Variants in SPATA9 observed in about 807,000 individuals in gnomAD.
The protein encoded by SPATA9 is spermatogenesis-associated protein 9.
A neutral mutation model predicts 25.5 loss-of-function variants in SPATA9; 27 were observed. That is an observed-to-expected ratio of 1.06 (90% CI 0.78 to 1.46). SPATA9 has a LOEUF of 1.46. Ranked by LOEUF, SPATA9 falls within the 40% of genes most tolerant of loss-of-function variation. The pLI is 0.00. For synonymous variants in SPATA9, 102 were observed against 105.7 expected, an observed-to-expected ratio of 0.97 and a Z score of 0.21; for missense variants, 282 against 297.5, an observed-to-expected ratio of 0.95 and a Z score of 0.38.
In SPATA9 at chr5:95,675,408, T is replaced by G. The variant is rs1752831731; in HGVS notation, c.378+4A>C. 3 of 1,609,672 alleles carry G rather than the reference T, an allele frequency of 1.9e-6. No individual in the cohort carries two copies. The African/African-American group carries it at 4.0e-5, about 21-fold the overall frequency. The stretch of plus-strand genomic sequence containing the variant: ...GGAATTGTGCATATGCAGTATTCCC[T>G]TACCTGAATGTTATATAGGGGTTGC... On this transcript the variant is annotated splice_donor_region_variant and intron_variant, in intron 3 of 4. Transcript: ENST00000274432.
chr5:95,731,624 G>T, the SPATA9 span: 1 of 1,608,098 alleles, frequency 6.2e-7, no homozygotes, highest in Non-Finnish European at 8.5e-7. Flanking sequence ...CGGGGGCCCC[G>T]CGAAGCCGTG....
At chr5:95,706,443 C>A in the SPATA9 span, among the ~76,000 whole-genome samples, 1 of 151,840 alleles carries the variant, frequency 6.6e-6, no homozygotes, top group Non-Finnish European at 1.5e-5. Context: ...TGCCTGCTTC[C>A]TTTTCACCTT....
intron 1 of SPATA9, among the ~76,000 whole-genome samples, chr5:95,695,250 T>G (rs953643566): frequency 2.6e-5 from 4 of 152,220 alleles, no homozygotes; most frequent in African/African-American, 9.6e-5. Flanking sequence ...AGCTTTACCA[T>G]GTCAAGTCAA....
chr5:95,729,675 C>G, the SPATA9 span, among the ~76,000 whole-genome samples: 3 of 152,270 alleles, frequency 2.0e-5, no homozygotes, highest in East Asian at 5.8e-4. Flanking sequence ...ACAACGCCCC[C>G]TTTTCCCCTC....
Position 95,658,600 on chromosome 5 carries a change from G to A in SPATA9, c.*23C>T. On this transcript the variant is annotated 3_prime_UTR_variant, in exon 5 of 5. Transcript: ENST00000274432. Reference sequence around the variant, plus strand: ...GTGCCATTAAATAGATAACTCTTAAGTTCTGTTCAGTGATACCTGTATTCA... The same window carrying A: ...GTGCCATTAAATAGATAACTCTTAAATTCTGTTCAGTGATACCTGTATTCA... 6.3e-7 allele frequency: 1 copy of A among 1,595,892 alleles called. No homozygotes were observed. Among genetic ancestry groups the A allele is most frequent in the African/African-American group, 1.4e-5 (1 of 73,996 alleles).
upstream of SPATA9, among the ~76,000 whole-genome samples, chr5:95,700,780 C>T (rs1754164603): frequency 2.6e-5 from 4 of 152,182 alleles, no homozygotes; most frequent in Admixed American, 2.6e-4. Context: ...AGGAACTTGA[C>T]ATTGCTATAA....
At chr5:95,731,373 G>A in the SPATA9 span, 2 of 1,153,024 alleles carry the variant, frequency 1.7e-6, no homozygotes, top group African/African-American at 3.2e-5. Flanking sequence ...GAGGCGCGGC[G>A]GAGAGGGGAC....
chr5:95,695,123 T>C (rs1026670912), intron 1 of SPATA9, among the ~76,000 whole-genome samples: 1 of 152,232 alleles, frequency 6.6e-6, no homozygotes, highest in Non-Finnish European at 1.5e-5. Context: ...TATATTTCAA[T>C]ATGAATTTCT....
the SPATA9 span, among the ~76,000 whole-genome samples, chr5:95,711,951 C>T: frequency 6.6e-6 from 1 of 152,190 alleles, no homozygotes; most frequent in African/African-American, 2.4e-5. Flanking sequence ...AAACTTGGGC[C>T]ATTCTACTTT....
the SPATA9 span, chr5:95,731,886 C>T: frequency 3.1e-6 from 5 of 1,613,324 alleles, no homozygotes; most frequent in South Asian, 3.3e-5. Context: ...CGCTGGGGAA[C>T]GAGGGGGACA....
chr5:95,708,560 T>A, the SPATA9 span: 1 of 695,916 alleles, frequency 1.4e-6, no homozygotes, highest in East Asian at 2.7e-5. Context: ...AACTGATAAG[T>A]ATCTCGACAG....
intron 3 of SPATA9, among the ~76,000 whole-genome samples, chr5:95,672,700 T>C (rs911938324): frequency 6.6e-6 from 1 of 152,198 alleles, no homozygotes; most frequent in African/African-American, 2.4e-5. Flanking sequence ...TTTTCTTAGG[T>C]TCCTGGAATA....
In SPATA9 at chr5:95,679,262, G is replaced by A. The variant is rs368734459; in HGVS notation, c.150+3266C>T. Among the ~76,000 whole-genome samples the A allele has an allele frequency of 5.3e-5, 8 of 152,190 alleles. No individual in the cohort carries two copies. The East Asian group carries it at 1.5e-3, about 29-fold the overall frequency. Reference sequence around the variant, plus strand: ...TCTCTGGCTTCCTAGGATTCACCCTGAGCCTTCTAAACAATTACTACTGTG... The same window carrying A: ...TCTCTGGCTTCCTAGGATTCACCCTAAGCCTTCTAAACAATTACTACTGTG... On this transcript the variant is annotated intron_variant, in intron 2 of 4. Transcript: ENST00000274432.
chr5:95,727,446 T>C, the SPATA9 span, among the ~76,000 whole-genome samples: 2 of 152,248 alleles, frequency 1.3e-5, no homozygotes, highest in African/African-American at 4.8e-5. Context: ...TGAATTACTT[T>C]ACATGTCCTT....
At chr5:95,686,516 C>T (rs1487542906), upstream of SPATA9, among the ~76,000 whole-genome samples, 1 of 151,970 alleles carries the variant, frequency 6.6e-6, no homozygotes, top group Non-Finnish European at 1.5e-5. Flanking sequence ...AAGTTTATGA[C>T]ATGAATTGAA....
chr5:95,704,056 T>TAC, the SPATA9 span, among the ~76,000 whole-genome samples: 4 of 150,600 alleles, frequency 2.7e-5, no homozygotes, highest in African/African-American at 1.0e-4. Flanking sequence ...ACAGTGCATA[T>TAC]ACACACATAC....
At chr5:95,717,239 A>G in the SPATA9 span, among the ~76,000 whole-genome samples, 28 of 152,342 alleles carry the variant, frequency 1.8e-4, no homozygotes, top group Non-Finnish European at 2.1e-4. Context: ...TTCAGCCAGC[A>G]GACTGCCTTT....
the SPATA9 span, chr5:95,731,971 G>C: frequency 3.7e-6 from 6 of 1,614,068 alleles, no homozygotes; most frequent in East Asian, 2.2e-5. Flanking sequence ...CTCCGGGGAC[G>C]AGAGCAGCTT....
intron 4 of SPATA9, 91 bp from the exon 5 acceptor site, chr5:95,659,004 T>G: frequency 6.9e-7 from 1 of 1,459,770 alleles, no homozygotes. Flanking sequence ...CCACATAAAG[T>G]CATTTAATCT....
Sources: gnomAD v4.1 joint callset for allele counts (sites outside exome capture counted in the v4.1 genomes callset) on GRCh38, gnomAD v4.1.1 for gene constraint, MANE v1.5 for transcripts, NCBI Gene and HGNC (gene_info 2026-07-23, HGNC 2026-07-21) for gene names.